The following TLCD2 variants were observed in gnomAD, a reference collection of about 807,000 sequenced individuals.
The protein encoded by TLCD2 is TLC domain-containing protein 2.
A neutral mutation model predicts 14.0 loss-of-function variants in TLCD2; 12 were observed. That is an observed-to-expected ratio of 0.86 (90% CI 0.55 to 1.39). The LOEUF is 1.39. TLCD2 is among the 40% of genes most tolerant of loss of function. The pLI, the probability that TLCD2 is intolerant of heterozygous loss-of-function variation, is 0.00. For missense variants in TLCD2, 360 were observed against 346.8 expected, an observed-to-expected ratio of 1.04 and a Z score of -0.30; for synonymous variants, 166 against 156.5, an observed-to-expected ratio of 1.06 and a Z score of -0.45.
At chr17:1,708,253 C>T (rs569980683) in intron 3 of TLCD2, 31 bp from the exon 4 acceptor site, 247 of 1,459,810 alleles carry the variant, frequency 1.7e-4, no homozygotes, top group Non-Finnish European at 4.2e-5. Context: ...TCAGAGGAAC[C>T]CCATGACCTG....
intron 3 of TLCD2, 63 bp from the exon 4 acceptor site, chr17:1,708,285 C>A: frequency 7.6e-7 from 1 of 1,320,618 alleles, no homozygotes; most frequent in Non-Finnish European, 1.0e-6. Flanking sequence ...GTCCCAATAA[C>A]CCAGGCCTGA....
In TLCD2 at chr17:1,707,686, A is replaced by G; in HGVS notation, c.*84T>C. The stretch of plus-strand genomic sequence containing the variant: ...ATTCTGATGAGCAAGTCTGGCCCTC[A>G]CCCTGATGGGGGACTGTGCATGGAA... On this transcript the variant is annotated 3_prime_UTR_variant, in exon 4 of 4. Transcript: ENST00000330676. The G allele has an allele frequency of 8.8e-7, 1 of 1,132,236 alleles. No homozygotes were observed. Among genetic ancestry groups the G allele is most frequent in the Non-Finnish European group, 1.2e-6 (1 of 828,516 alleles). 70.1% of individuals were successfully genotyped at this position (1,132,236 alleles called of 1,614,324 possible). A position where few individuals can be genotyped will look rare whatever the true frequency, so the allele number is the denominator to read the frequency against.
In TLCD2 at chr17:1,707,860, G is replaced by C. The variant is rs1176761176; in HGVS notation, c.705C>G (p.Ser235Arg). ...DVLQSRPHPP[S>R]PGHEKTRGTR... ...TCCCCCTGGTTTTCTCATGGCCAGGGCTGGGTGGATGGGGTCGAGACTGTA... is the reference window on the plus strand; with the variant it reads ...TCCCCCTGGTTTTCTCATGGCCAGGCCTGGGTGGATGGGGTCGAGACTGTA... Residue 235 changes from serine to arginine, a missense_variant, in exon 4 of 4, where the codon AGC becomes AGG. Coordinates refer to ENST00000330676, the MANE Select transcript of TLCD2 (RefSeq NM_001164407.2). 6.5e-7 allele frequency: 1 copy of C among 1,537,074 alleles called. No individual in the cohort carries two copies. The highest frequency in any genetic ancestry group is 8.7e-7 in the Non-Finnish European group (1 of 1,146,842).
At chr17:1,709,910 G>C (rs1490989944) in intron 1 of TLCD2, 24 bp from the exon 2 acceptor site, 1 of 1,416,834 alleles carries the variant, frequency 7.1e-7, no homozygotes, top group African/African-American at 1.9e-5. Flanking sequence ...GTGGGGACAT[G>C]GGGGGGGGCA....
Position 1,704,144 on chromosome 17 carries a change from G to A in TLCD2, c.*3626C>T, listed in dbSNP as rs904373965. 2 of 142,316 alleles carry A rather than the reference G, an allele frequency of 1.4e-5. No homozygotes were observed. Among genetic ancestry groups the A allele is most frequent in the Non-Finnish European group, 3.0e-5 (2 of 66,598 alleles). 8.8% of individuals were successfully genotyped at this position (142,316 alleles called of 1,614,324 possible). A position where few individuals can be genotyped will look rare whatever the true frequency, so the allele number is the denominator to read the frequency against. On this transcript the variant is annotated 3_prime_UTR_variant, in exon 4 of 4. Transcript: ENST00000330676. ...GGAGGCTGAGGCAGGAGAATCACTTGAGTCCAGGAGGTGGAGGTTGCAGTG... is the reference window on the plus strand; with the variant it reads ...GGAGGCTGAGGCAGGAGAATCACTTAAGTCCAGGAGGTGGAGGTTGCAGTG...
At position 1,709,527 on chromosome 17, in the gene TLCD2, G is replaced by C. The variant is rs1014821868; in HGVS notation, c.314C>G (p.Thr105Ser). Residue 105 changes from threonine (T) to serine (S), a missense_variant, in exon 3 of 4, where the codon ACC becomes AGC. Physicochemically the swap from Thr to Ser is moderately conservative, Grantham distance 58. Coordinates refer to ENST00000330676, the MANE Select transcript of TLCD2 (RefSeq NM_001164407.2). ...CAAATGATGACAGAGAAGATCCCAG[G>C]TCTTGCCCAAGGTCTGGTTCCACAG... ...DLLWNQTLGK[T>S]WDLLCHHLVV... The C allele has an allele frequency of 6.5e-7, 1 of 1,537,008 alleles. No individual in the cohort carries two copies. Among genetic ancestry groups the C allele is most frequent in the Non-Finnish European group, 8.7e-7 (1 of 1,146,860 alleles).
intron 3 of TLCD2, among the ~76,000 whole-genome samples, chr17:1,708,628 C>T (rs1026111997): frequency 2.0e-5 from 3 of 151,838 alleles, no homozygotes; most frequent in African/African-American, 2.4e-5. Flanking sequence ...CTGGGACTAC[C>T]GGTGCGCGCC....
chr17:1,709,196 C>T (rs1409927534), intron 3 of TLCD2, among the ~76,000 whole-genome samples: 2 of 152,062 alleles, frequency 1.3e-5, no homozygotes, highest in African/African-American at 4.8e-5. Context: ...CGAGACCAGC[C>T]TGGCCAACAT....
At position 1,706,773 on chromosome 17, in the gene TLCD2, C is replaced by CAAAAAAAAAAAAAAAAAA. The variant is rs55703430; in HGVS notation, c.*979_*996dup. 6.2e-5 allele frequency: 5 copies of CAAAAAAAAAAAAAAAAAA among 80,152 alleles called. No individual in the cohort carries two copies. The highest frequency in any genetic ancestry group is 5.5e-5 in the African/African-American group (1 of 18,282). 5.0% of individuals were successfully genotyped at this position (80,152 alleles called of 1,614,324 possible). A position where few individuals can be genotyped will look rare whatever the true frequency, so the allele number is the denominator to read the frequency against. On this transcript the variant is annotated 3_prime_UTR_variant, in exon 4 of 4. Coordinates refer to ENST00000330676, the MANE Select transcript of TLCD2 (RefSeq NM_001164407.2). ...TGGGCAACAGAGCAAGAACTTGTCT[C>CAAAAAAAAAAAAAAAAAA]AAAAAAAAAAAAAAAAAAAGAAAAG... is the stretch of plus-strand genomic sequence containing the variant.
Position 1,703,788 on chromosome 17 carries a change from TATTTAA to T in TLCD2, c.*3976_*3981del, listed in dbSNP as rs1261040478. The stretch of plus-strand genomic sequence containing the variant: ...ATCAATTCATATCAACCTCAACAGA[TATTTAA>T]GGAATAGATTCCTCACATGAGTTTG... On this transcript the variant is annotated 3_prime_UTR_variant, in exon 4 of 4. Coordinates refer to ENST00000330676, the MANE Select transcript of TLCD2 (RefSeq NM_001164407.2). 6.6e-6 allele frequency: 1 copy of T among 152,194 alleles called. No homozygotes were observed. The highest frequency in any genetic ancestry group is 2.4e-5 in the African/African-American group (1 of 41,440). 9.4% of individuals were successfully genotyped at this position (152,194 alleles called of 1,614,324 possible).
Position 1,707,811 on chromosome 17 carries a change from G to A in TLCD2, c.754C>T (p.Pro252Ser), listed in dbSNP as rs1310971411. ...AGAGTCGAACTGTTGCTGGTGACAGGTCCATTGTCACGACGTGTCCTGGTC... is the reference window on the plus strand; with the variant it reads ...AGAGTCGAACTGTTGCTGGTGACAGATCCATTGTCACGACGTGTCCTGGTC... ...RGTRTRRDNG[P>S]VTSNSSTLSL... Residue 252 changes from proline (P) to serine (S), a missense_variant, in exon 4 of 4, where the codon CCT becomes TCT. Coordinates refer to ENST00000330676, the MANE Select transcript of TLCD2 (RefSeq NM_001164407.2). The A allele has an allele frequency of 3.9e-6, 6 of 1,521,348 alleles. No homozygotes were observed. The highest frequency in any genetic ancestry group is 5.3e-6 in the Non-Finnish European group (6 of 1,137,846). 94.2% of individuals were successfully genotyped at this position (1,521,348 alleles called of 1,614,324 possible).
At position 1,710,304 on chromosome 17, in the gene TLCD2, G is replaced by T. The variant is rs1047118484; in HGVS notation, c.-62C>A. On this transcript the variant is annotated 5_prime_UTR_variant, in exon 1 of 4. Coordinates refer to ENST00000330676, the MANE Select transcript of TLCD2 (RefSeq NM_001164407.2). The surrounding 1 kb of genome is among the most constrained non-coding windows in gnomAD (Gnocchi z 6.1). ...GGTCCCCTCGGCGCCCGCGCTCTCG[G>T]CCGGGACTGGGAACCCGTTTCCCGG... The T allele has an allele frequency of 1.5e-6, 2 of 1,376,794 alleles. No individual in the cohort carries two copies. Among genetic ancestry groups the T allele is most frequent in the Non-Finnish European group, 1.9e-6 (2 of 1,061,174 alleles). 85.3% of individuals were successfully genotyped at this position (1,376,794 alleles called of 1,614,324 possible).
intron 3 of TLCD2, among the ~76,000 whole-genome samples, chr17:1,708,795 G>A (rs1914125619): frequency 6.6e-6 from 1 of 152,110 alleles, no homozygotes; most frequent in Non-Finnish European, 1.5e-5. Context: ...GGGCTTTCAT[G>A]CCCCATACCC....
intron 1 of TLCD2, 86 bp from the exon 2 acceptor site, chr17:1,709,972 CCA>C: frequency 1.3e-6 from 2 of 1,511,796 alleles, no homozygotes; most frequent in Non-Finnish European, 8.8e-7. Context: ...CACCCCCACC[CCA>C]GTCTCAGCTC....
chr17:1,707,569 A>G lies in TLCD2; in HGVS notation c.*201T>C. Reference sequence around the variant, plus strand: ...CATCTGATGACGGATTTCAGTGAACAGAAACCCAGGTTCCCACCCATCCAA... The same window carrying G: ...CATCTGATGACGGATTTCAGTGAACGGAAACCCAGGTTCCCACCCATCCAA... On this transcript the variant is annotated 3_prime_UTR_variant, in exon 4 of 4. Transcript: ENST00000330676. 1.9e-6 allele frequency: 1 copy of G among 514,140 alleles called. No homozygotes were observed. The highest frequency in any genetic ancestry group is 3.4e-6 in the Non-Finnish European group (1 of 296,520). The allele number at this position is 514,140 out of a possible 1,614,324, so 31.8% of individuals were successfully genotyped here.
intron 2 of TLCD2, 44 bp downstream of exon 2, chr17:1,709,760 C>G (rs1274191178): frequency 2.9e-6 from 4 of 1,363,042 alleles, no homozygotes; most frequent in Non-Finnish European, 4.0e-6. Context: ...AACCTGCCCC[C>G]CGCCCCATCC....
intron 3 of TLCD2, among the ~76,000 whole-genome samples, chr17:1,708,459 C>T (rs1914108880): frequency 6.7e-6 from 1 of 150,206 alleles, no homozygotes; most frequent in African/African-American, 2.5e-5. Context: ...CCCTTAACCT[C>T]CCATTCCTGG....
rs987178186 is a variant in TLCD2 at position 1,707,711 on chromosome 17, A to AGACC, written c.*55_*58dup. On this transcript the variant is annotated 3_prime_UTR_variant, in exon 4 of 4. Transcript: ENST00000330676. The stretch of plus-strand genomic sequence containing the variant: ...ACCCTGATGGGGGACTGTGCATGGA[A>AGACC]GACCCTCATCTCCTTGTCCTGGCCC... 4.4e-6 allele frequency: 6 copies of AGACC among 1,362,334 alleles called. No homozygotes were observed. In the African/African-American group the frequency reaches 8.8e-5, roughly 20 times the overall value. 84.4% of individuals were successfully genotyped at this position (1,362,334 alleles called of 1,614,324 possible). A position where few individuals can be genotyped will look rare whatever the true frequency, so the allele number is the denominator to read the frequency against.
At position 1,704,808 on chromosome 17, in the gene TLCD2, C is replaced by T. The variant is rs1348771855; in HGVS notation, c.*2962G>A. 2 of 147,698 alleles carry T rather than the reference C, an allele frequency of 1.4e-5. No individual in the cohort carries two copies. The highest frequency in any genetic ancestry group is 2.5e-5 in the African/African-American group (1 of 40,394). 9.1% of individuals were successfully genotyped at this position (147,698 alleles called of 1,614,324 possible). ...ACAACCTCGGCCTCCCAGGTTCAAA[C>T]GATTCTCCTGCCTCAGCCTCCTCAG... On this transcript the variant is annotated 3_prime_UTR_variant, in exon 4 of 4. Transcript: ENST00000330676.
Sources: gnomAD v4.1 joint callset for allele counts (sites outside exome capture counted in the v4.1 genomes callset) on GRCh38, gnomAD v4.1.1 for gene constraint, Gnocchi (gnomAD v3.1) non-coding constraint, MANE v1.5 for transcripts, NCBI Gene and HGNC (gene_info 2026-07-23, HGNC 2026-07-21) for gene names.